SLC22A9: variants seen among roughly 807,000 people sequenced by gnomAD.
The protein encoded by SLC22A9 is solute carrier family 22 member 9, also known as organic anion transporter 7.
Under a neutral mutation model 50.1 loss-of-function variants are expected in SLC22A9, and 64 were observed. The observed-to-expected ratio is 1.28, with a 90% confidence interval of 1.04 to 1.57. The LOEUF (loss-of-function observed/expected upper bound fraction) is 1.57. Among genes scored for constraint, SLC22A9 ranks in the 40% most tolerant of loss-of-function variants. The probability of loss-of-function intolerance (pLI) is 0.00; values close to 1 mark genes in which losing one functional copy is unlikely to be tolerated. For missense variants in SLC22A9, 757 were observed against 676.1 expected, an observed-to-expected ratio of 1.12 and a Z score of -1.33; for synonymous variants, 261 against 242.5, an observed-to-expected ratio of 1.08 and a Z score of -0.71.
intron 6 of SLC22A9, among the ~76,000 whole-genome samples, chr11:63,394,572 A>G (rs2119966514): frequency 6.6e-6 from 1 of 152,248 alleles, no homozygotes; most frequent in South Asian, 2.1e-4. Flanking sequence ...TCTAGCTTGT[A>G]GGGTTTCTTC....
intron 5 of SLC22A9, among the ~76,000 whole-genome samples, chr11:63,377,640 T>C (rs1179229733): frequency 6.6e-6 from 1 of 151,718 alleles, no homozygotes; most frequent in Admixed American, 6.6e-5. Context: ...CTCAAACCTA[T>C]TGGAACTAGA....
intron 6 of SLC22A9, among the ~76,000 whole-genome samples, chr11:63,397,659 C>G (rs1217853336): frequency 6.6e-6 from 1 of 152,118 alleles, no homozygotes; most frequent in Non-Finnish European, 1.5e-5. Flanking sequence ...ATGGCCACCA[C>G]CACCCCACGT....
At chr11:63,404,897 G>A (rs773929232) in intron 6 of SLC22A9, among the ~76,000 whole-genome samples, 21 of 152,182 alleles carry the variant, frequency 1.4e-4, no homozygotes, top group Non-Finnish European at 2.1e-4. Context: ...GACAGAAAGC[G>A]TAAATTCAGT....
At chr11:63,402,662 GAA>G (rs11298910) in intron 6 of SLC22A9, among the ~76,000 whole-genome samples, 9 of 141,568 alleles carry the variant, frequency 6.4e-5, no homozygotes, top group East Asian at 2.0e-4. Context: ...AATGAAAGTT[GAA>G]AAAAAAAAAG....
chr11:63,378,468 C>G (rs1048288345), intron 5 of SLC22A9, among the ~76,000 whole-genome samples: 2 of 152,010 alleles, frequency 1.3e-5, no homozygotes, highest in Non-Finnish European at 2.9e-5. Flanking sequence ...CCAGGCAAGA[C>G]AAGGATGTCC....
chr11:63,408,577 T>A (rs763413011), intron 8 of SLC22A9, 99 bp from the exon 9 acceptor site: 4 of 1,046,408 alleles, frequency 3.8e-6, no homozygotes, highest in Non-Finnish European at 5.7e-6. Context: ...CACCTCTGTG[T>A]GTCTAAATGT....
intron 6 of SLC22A9, among the ~76,000 whole-genome samples, chr11:63,400,507 C>T (rs1163419519): frequency 1.3e-5 from 2 of 152,014 alleles, no homozygotes; most frequent in Non-Finnish European, 2.9e-5. Context: ...AGCAGCAAGA[C>T]ACCAGCAGTA....
At chr11:63,374,178 A>AGGT in intron 4 of SLC22A9, 116 bp downstream of exon 4, 2 of 990,726 alleles carry the variant, frequency 2.0e-6, no homozygotes, top group Non-Finnish European at 2.8e-6. Flanking sequence ...ACGTCCTCTC[A>AGGT]TAATCTGTGC....
intron 5 of SLC22A9, among the ~76,000 whole-genome samples, chr11:63,377,789 T>C (rs2014489909): frequency 6.6e-6 from 1 of 151,890 alleles, no homozygotes; most frequent in African/African-American, 2.4e-5. Flanking sequence ...ACACATTAGA[T>C]GGATAGACTT....
intron 6 of SLC22A9, among the ~76,000 whole-genome samples, chr11:63,398,517 T>C (rs552330745): frequency 6.6e-6 from 1 of 152,342 alleles, no homozygotes; most frequent in South Asian, 2.1e-4. Flanking sequence ...GGATGGGCGA[T>C]TCCCCTCTGG....
chr11:63,390,973 C>T (rs2014753878), intron 6 of SLC22A9, among the ~76,000 whole-genome samples: 2 of 152,030 alleles, frequency 1.3e-5, no homozygotes, highest in South Asian at 4.2e-4. Flanking sequence ...AAATATACCT[C>T]TTAGTACTTC....
At chr11:63,401,233 T>A (rs1235093116) in intron 6 of SLC22A9, among the ~76,000 whole-genome samples, 1 of 152,098 alleles carries the variant, frequency 6.6e-6, no homozygotes, top group African/African-American at 2.4e-5. Context: ...GCATATGATA[T>A]AATTTTATAT....
At chr11:63,409,667 TG>T in intron 9 of SLC22A9, 134 bp from the exon 10 acceptor site, 1 of 827,658 alleles carries the variant, frequency 1.2e-6, no homozygotes, top group Non-Finnish European at 1.9e-6. Flanking sequence ...CTCAATCCCT[TG>T]GGGGCAGAGA....
In SLC22A9 at chr11:63,369,910, A is replaced by C; in HGVS notation, c.-147A>C. ...GAAACTGTTTCCACGGTCCTGCTGC[A>C]GAGGGGAAGCACAGTCGTCAAGAAG... On this transcript the variant is annotated 5_prime_UTR_variant, in exon 1 of 10. Transcript: ENST00000279178. The C allele has an allele frequency of 3.9e-6, 3 of 763,406 alleles. No homozygotes were observed. In the South Asian group the frequency reaches 6.4e-5, roughly 16 times the overall value. The allele number at this position is 763,406 out of a possible 1,614,324, so 47.3% of individuals were successfully genotyped here. A position where few individuals can be genotyped will look rare whatever the true frequency, so the allele number is the denominator to read the frequency against.
At chr11:63,380,827 A>C (rs2014548020) in intron 5 of SLC22A9, among the ~76,000 whole-genome samples, 1 of 152,152 alleles carries the variant, frequency 6.6e-6, no homozygotes, top group Admixed American at 6.6e-5. Flanking sequence ...TCCATGTAAC[A>C]AACCTGCACA....
chr11:63,406,376 T>G (rs568781157), intron 6 of SLC22A9, 121 bp from the exon 7 acceptor site: 293 of 796,102 alleles, frequency 3.7e-4, no homozygotes, highest in South Asian at 1.2e-3. Context: ...AAATATTCCA[T>G]GAAATAGACC....
chr11:63,376,708 T>C (rs2014466292), intron 5 of SLC22A9, among the ~76,000 whole-genome samples: 1 of 151,878 alleles, frequency 6.6e-6, no homozygotes, highest in Non-Finnish European at 1.5e-5. Flanking sequence ...TACATATTAA[T>C]ATTAACCTTA....
chr11:63,402,473 G>A (rs1365295052), intron 6 of SLC22A9, among the ~76,000 whole-genome samples: 2 of 151,952 alleles, frequency 1.3e-5, no homozygotes, highest in Admixed American at 1.3e-4. Flanking sequence ...ATTGGTCTAT[G>A]TATCTGCTCT....
In SLC22A9 at chr11:63,379,182, A is replaced by G. The variant is rs2014518280; in HGVS notation, c.955-2977A>G. Among the ~76,000 whole-genome samples, 4 of 152,328 alleles carry G rather than the reference A, an allele frequency of 2.6e-5. No homozygotes were observed. The South Asian group carries it at 8.3e-4, about 32-fold the overall frequency. The stretch of plus-strand genomic sequence containing the variant: ...GGTACAAAGACAGAAAGGTAGACCA[A>G]TAGAATAGGCTAGAGCACTGAGAAA... On this transcript the variant is annotated intron_variant, in intron 5 of 9. Transcript: ENST00000279178.
Sources: allele counts gnomAD v4.1 joint callset (sites outside exome capture counted in the v4.1 genomes callset), GRCh38; gene constraint gnomAD v4.1.1; transcripts MANE v1.5; gene names NCBI Gene and HGNC (gene_info 2026-07-23, HGNC 2026-07-21).